CAST: variants seen among roughly 807,000 people sequenced by gnomAD.
CAST encodes the protein calpastatin.
In CAST, 76 loss-of-function variants were observed where a neutral mutation model predicts 119.6. That is an observed-to-expected ratio of 0.64 (90% confidence interval 0.53 to 0.77). The LOEUF is 0.77. Among genes scored for constraint, CAST ranks in the 30% least tolerant of loss-of-function variants. CAST has a pLI of 0.00. For synonymous variants in CAST, 319 were observed against 331.6 expected (o/e 0.96, Z 0.41); for missense variants, 953 against 946.5 (o/e 1.01, Z -0.09).
At chr5:96,711,366 C>A (rs1243049553) in intron 3 of CAST, among the ~76,000 whole-genome samples, 1 of 152,060 alleles carries the variant, frequency 6.6e-6, no homozygotes, top group South Asian at 2.1e-4. Flanking sequence ...GAAAAAAATT[C>A]TGGAATGCTC....
the CAST span, among the ~76,000 whole-genome samples, chr5:96,470,952 T>G: frequency 6.6e-6 from 1 of 152,106 alleles, no homozygotes; most frequent in Non-Finnish European, 1.5e-5. Context: ...CTGATAAAAA[T>G]GACCTTAGGG....
At chr5:96,095,887 T>G in the CAST span, among the ~76,000 whole-genome samples, 1 of 152,214 alleles carries the variant, frequency 6.6e-6, no homozygotes, top group Non-Finnish European at 1.5e-5. Context: ...CAACTTAGAT[T>G]GTATTTAAAT....
At chr5:96,315,271 A>G in the CAST span, among the ~76,000 whole-genome samples, 1 of 152,024 alleles carries the variant, frequency 6.6e-6, no homozygotes, top group Non-Finnish European at 1.5e-5. Flanking sequence ...ATAATAAAAA[A>G]GTTTGTTGTT....
At chr5:96,081,774 T>A in the CAST span, among the ~76,000 whole-genome samples, 1 of 152,194 alleles carries the variant, frequency 6.6e-6, no homozygotes, top group Admixed American at 6.5e-5. Flanking sequence ...GGACCTCCAT[T>A]GTTAAAGTTA....
rs753844128 is a variant in CAST at position 96,757,435 on chromosome 5, C to T, written c.1711-9C>T. 6.2e-7 allele frequency: 1 copy of T among 1,613,394 alleles called. No homozygotes were observed. The highest frequency in any genetic ancestry group is 1.3e-5 in the African/African-American group (1 of 75,008). On this transcript the variant is annotated splice_polypyrimidine_tract_variant and intron_variant, in intron 22 of 31. Coordinates refer to ENST00000675179, the MANE Select transcript of CAST (RefSeq NM_001750.7). ...TGATTTCATGCCATGTGTTTTCCCCCCCGGATAGGATAAAGATGGAAAGCC... is the reference window on the plus strand; with the variant it reads ...TGATTTCATGCCATGTGTTTTCCCCTCCGGATAGGATAAAGATGGAAAGCC...
chr5:96,457,110 A>T, the CAST span, among the ~76,000 whole-genome samples: 1 of 152,130 alleles, frequency 6.6e-6, no homozygotes, highest in Non-Finnish European at 1.5e-5. Flanking sequence ...CAGCAGTTAT[A>T]TTGCTACCAC....
the CAST span, among the ~76,000 whole-genome samples, chr5:96,269,229 T>C: frequency 2.6e-5 from 4 of 152,174 alleles, no homozygotes; most frequent in South Asian, 2.1e-4. Flanking sequence ...AAAATCATTA[T>C]ATAACGTGAA....
At chr5:96,549,180 T>C (rs1043374384) in intron 1 of CAST, among the ~76,000 whole-genome samples, 4 of 152,196 alleles carry the variant, frequency 2.6e-5, no homozygotes, top group African/African-American at 9.7e-5. Context: ...CAAGCACAAA[T>C]GATAAAATTC....
At chr5:96,067,539 T>G in the CAST span, among the ~76,000 whole-genome samples, 3 of 152,204 alleles carry the variant, frequency 2.0e-5, no homozygotes, top group Non-Finnish European at 4.4e-5. Flanking sequence ...AATCACTTGC[T>G]AAACTTTCTG....
the CAST span, among the ~76,000 whole-genome samples, chr5:96,357,535 C>A: frequency 6.6e-6 from 1 of 152,106 alleles, no homozygotes; most frequent in Non-Finnish European, 1.5e-5. Flanking sequence ...GAGTTTTTAG[C>A]ATGAAAGGCT....
the CAST span, among the ~76,000 whole-genome samples, chr5:96,498,100 A>G: frequency 6.6e-6 from 1 of 152,200 alleles, no homozygotes; most frequent in Non-Finnish European, 1.5e-5. Context: ...TTTTCCCAGC[A>G]CCATTTATTA....
the CAST span, among the ~76,000 whole-genome samples, chr5:96,034,117 A>G: frequency 7.9e-5 from 12 of 152,064 alleles, no homozygotes; most frequent in African/African-American, 2.9e-4. Flanking sequence ...AATAAATAAT[A>G]AATTTTAAAA....
chr5:95,991,492 GTTTTGTTTTTTTTTT>G, the CAST span, among the ~76,000 whole-genome samples: 1 of 123,366 alleles, frequency 8.1e-6, no homozygotes, highest in East Asian at 2.7e-4. Flanking sequence ...TTAACAACAA[GTTTTGTTTTTTTTTT>G]TTTTTTTTTT....
At chr5:96,735,912 A>C (rs913394540) in intron 9 of CAST, among the ~76,000 whole-genome samples, 4 of 152,228 alleles carry the variant, frequency 2.6e-5, no homozygotes, top group Admixed American at 6.5e-5. Flanking sequence ...TTGGATTCAA[A>C]TCTTCATTCT....
At chr5:96,748,246 C>A (rs1229403018) in intron 18 of CAST, among the ~76,000 whole-genome samples, 1 of 152,102 alleles carries the variant, frequency 6.6e-6, no homozygotes, top group Non-Finnish European at 1.5e-5. Flanking sequence ...TTTATTTGAA[C>A]AAAATTCTTC....
the CAST span, among the ~76,000 whole-genome samples, chr5:96,104,163 A>G: frequency 6.6e-6 from 1 of 151,780 alleles, no homozygotes; most frequent in Non-Finnish European, 1.5e-5. Context: ...GGTTGCGAAA[A>G]TTTTCGCCCA....
chr5:96,746,253 A>G (rs775821716), intron 16 of CAST, 89 bp from the exon 17 acceptor site: 6 of 798,132 alleles, frequency 7.5e-6, no homozygotes, highest in East Asian at 2.5e-5. Context: ...GGTCTTCTCT[A>G]TAACACTCGA....
intron 1 of CAST, among the ~76,000 whole-genome samples, chr5:96,544,534 A>C (rs1745970107): frequency 6.6e-6 from 1 of 152,126 alleles, no homozygotes; most frequent in African/African-American, 2.4e-5. Flanking sequence ...CTATCTGTGA[A>C]GTGGTATAGT....
chr5:95,963,339 T>C, the CAST span, among the ~76,000 whole-genome samples: 11,672 of 152,202 alleles, frequency 0.077, 991 homozygotes, highest in African/African-American at 0.21. Flanking sequence ...GATTCAGACC[T>C]TCAAACATAG....
Sources: gnomAD v4.1 joint callset for allele counts (sites outside exome capture counted in the v4.1 genomes callset) on GRCh38, gnomAD v4.1.1 for gene constraint, MANE v1.5 for transcripts, NCBI Gene and HGNC (gene_info 2026-07-23, HGNC 2026-07-21) for gene names.